Variants in LRIG1 observed in about 807,000 individuals in gnomAD.
LRIG1 encodes leucine rich repeats and immunoglobulin like domains 1.
Under a neutral mutation model 99.2 loss-of-function variants are expected in LRIG1, and 48 were observed. That is an observed-to-expected ratio of 0.48 (90% CI 0.38 to 0.62). LRIG1 has a LOEUF of 0.62. Among genes scored for constraint, LRIG1 ranks in the 20% least tolerant of loss-of-function variants. LRIG1 has a pLI of 0.00. For synonymous variants in LRIG1, 772 were observed against 596.1 expected (o/e 1.29, Z -4.30); for missense variants, 1,646 against 1,434.4 (o/e 1.15, Z -2.38).
At chr3:66,472,616 G>C (rs1023250990) in intron 1 of LRIG1, among the ~76,000 whole-genome samples, 1 of 152,166 alleles carries the variant, frequency 6.6e-6, no homozygotes, top group Non-Finnish European at 1.5e-5. Flanking sequence ...CTGGTCATGA[G>C]AGCAGGGTGG....
At chr3:66,431,915 AC>A (rs1308566624) in intron 3 of LRIG1, among the ~76,000 whole-genome samples, 9 of 152,148 alleles carry the variant, frequency 5.9e-5, no homozygotes, top group African/African-American at 2.2e-4. Context: ...TAGAAGATAC[AC>A]GTAGAAAAAA....
At chr3:66,400,511 C>T (rs965163663) in intron 9 of LRIG1, among the ~76,000 whole-genome samples, 1 of 152,176 alleles carries the variant, frequency 6.6e-6, no homozygotes. Context: ...TTCTCAGCGT[C>T]AACAGGTCTG....
intron 3 of LRIG1, among the ~76,000 whole-genome samples, chr3:66,433,942 A>C (rs1399009368): frequency 2.0e-5 from 3 of 152,230 alleles, no homozygotes; most frequent in Admixed American, 2.0e-4. Context: ...GGCTTTTAAA[A>C]ACATGTCATC....
At chr3:66,463,061 C>T (rs569628238) in intron 1 of LRIG1, among the ~76,000 whole-genome samples, 1 of 152,220 alleles carries the variant, frequency 6.6e-6, no homozygotes, top group East Asian at 1.9e-4. Context: ...TTACTGGCAT[C>T]TGGTGGATAC....
chr3:66,494,336 C>A (rs757899354), intron 1 of LRIG1, among the ~76,000 whole-genome samples: 1 of 152,156 alleles, frequency 6.6e-6, no homozygotes, highest in Non-Finnish European at 1.5e-5. Context: ...TCCTTAATGA[C>A]GAGTGTGAGT....
intron 16 of LRIG1, 130 bp from the exon 17 acceptor site, chr3:66,381,761 T>C: frequency 2.0e-6 from 2 of 1,008,776 alleles, no homozygotes; most frequent in South Asian, 3.2e-5. Flanking sequence ...GTGGGGCTGC[T>C]GGTCTGGCAA....
chr3:66,465,406 C>T (rs1261915377), intron 1 of LRIG1, among the ~76,000 whole-genome samples: 1 of 141,254 alleles, frequency 7.1e-6, no homozygotes. Context: ...CTCTGTCGCC[C>T]AGGCTGGAGT....
chr3:66,405,299 A>C (rs1402718569), intron 8 of LRIG1, 21 bp from the exon 9 acceptor site: 1 of 1,593,670 alleles, frequency 6.3e-7, no homozygotes, highest in Non-Finnish European at 8.6e-7. Context: ...GACAGAAAGC[A>C]GCTCACCGAG....
At chr3:66,382,514 CAG>C (rs1575642104) in intron 15 of LRIG1, 116 bp from the exon 16 acceptor site, 6 of 1,194,486 alleles carry the variant, frequency 5.0e-6, no homozygotes, top group East Asian at 4.7e-5. Context: ...CAGCGCTGTG[CAG>C]AGAGATGACA....
At chr3:66,380,536 G>A (rs758076564) in intron 18 of LRIG1, 41 bp downstream of exon 18, 2 of 1,613,694 alleles carry the variant, frequency 1.2e-6, no homozygotes, top group East Asian at 2.2e-5. Flanking sequence ...GACCGTTTAA[G>A]CAGCTCCCAA....
At chr3:66,388,101 T>C (rs1429338661) in intron 12 of LRIG1, 3 of 76,822 alleles carry the variant, frequency 3.9e-5, no homozygotes, top group South Asian at 5.8e-4. Flanking sequence ...AGCAAGACTC[T>C]GTCTCAAAAA....
rs2107918429 is a variant in LRIG1, at chr3:66,381,590, T to A, written c.2659A>T (p.Thr887Ser). 1 of 1,613,996 alleles carries A rather than the reference T, an allele frequency of 6.2e-7. No homozygotes were observed. Among genetic ancestry groups the A allele is most frequent in the East Asian group, 2.2e-5 (1 of 44,876 alleles). The part of the protein sequence containing the change: ...RDASHFPEPD[T>S]HSVACRQPKL... Reference sequence around the variant, plus strand: ...GGCTGCCTGCAGGCAACGCTGTGAGTGTCGGGCTCTGGAAAGTGGCTTGCA... The same window carrying A: ...GGCTGCCTGCAGGCAACGCTGTGAGAGTCGGGCTCTGGAAAGTGGCTTGCA... The change falls in exon 17 of 19, where the codon ACT becomes TCT. Residue 887 changes from threonine to serine, a missense_variant. Coordinates refer to ENST00000273261, the MANE Select transcript of LRIG1 (RefSeq NM_015541.3).
intron 1 of LRIG1, among the ~76,000 whole-genome samples, chr3:66,470,682 C>T (rs1700576281): frequency 6.6e-6 from 1 of 152,140 alleles, no homozygotes; most frequent in East Asian, 1.9e-4. Flanking sequence ...TCCATAAGAA[C>T]AGAGTATCGC....
Position 66,398,139 on chromosome 3 carries a change from A to G in LRIG1, c.1277T>C (p.Phe426Ser). Residue 426 changes from phenylalanine to serine, a missense_variant, in exon 11 of 19, where the codon TTT (phenylalanine) becomes TCT (serine). Coordinates refer to ENST00000273261, the MANE Select transcript of LRIG1 (RefSeq NM_015541.3). Reference sequence around the variant, plus strand: ...CTCTTTAAGATTCTTCATCTTCACAAAGGCATCAAACTGGACAGATCTGAT... The same window carrying G: ...CTCTTTAAGATTCTTCATCTTCACAGAGGCATCAAACTGGACAGATCTGAT... ...NAIRSVQFDA[F>S]VKMKNLKELH... 1 of 1,614,062 alleles carries G rather than the reference A, an allele frequency of 6.2e-7. No homozygotes were observed. The highest frequency in any genetic ancestry group is 8.5e-7 in the Non-Finnish European group (1 of 1,179,890).
At position 66,451,540 on chromosome 3, in the gene LRIG1, C is replaced by T. The variant is rs1204239293; in HGVS notation, c.365+19G>A. ...GGCCCCACCACACAGCCCAGAGTCC[C>T]CCAAACGGCACCACTTACAGAAAGA... On this transcript the variant is annotated intron_variant, in intron 3 of 18. Coordinates refer to ENST00000273261, the MANE Select transcript of LRIG1 (RefSeq NM_015541.3). The T allele has an allele frequency of 6.2e-7, 1 of 1,613,420 alleles. No individual in the cohort carries two copies. Among genetic ancestry groups the T allele is most frequent in the Non-Finnish European group, 8.5e-7 (1 of 1,179,554 alleles).
intron 2 of LRIG1, among the ~76,000 whole-genome samples, chr3:66,453,849 G>A (rs1703985909): frequency 6.6e-6 from 1 of 152,222 alleles, no homozygotes; most frequent in Non-Finnish European, 1.5e-5. Context: ...CTTCTCTGCA[G>A]GGGGCTACGC....
chr3:66,493,033 GA>G (rs139524383), intron 1 of LRIG1, among the ~76,000 whole-genome samples: 223 of 152,232 alleles, frequency 1.5e-3, no homozygotes, highest in Non-Finnish European at 2.8e-3. Context: ...CAAAACAAAT[GA>G]AAAATGTTCT....
In LRIG1 at chr3:66,381,502, CCTTCAGCTTTCTCCAT is replaced by C; in HGVS notation, c.2731_2746del (p.Met911GlyfsTer89). The C allele has an allele frequency of 6.2e-7, 1 of 1,613,810 alleles. No individual in the cohort carries two copies. The highest frequency in any genetic ancestry group is 1.3e-5 in the African/African-American group (1 of 75,034). On this transcript the variant is annotated frameshift_variant, in exon 17 of 19. Transcript: ENST00000273261. LOFTEE classifies it high-confidence loss of function. The stretch of plus-strand genomic sequence containing the variant: ...ACCCATCTTATGTGGCCCAGGTGTC[CCTTCAGCTTTCTCCAT>C]CGCTTTCCACGGCTCTTTGTGATAC...
intron 1 of LRIG1, among the ~76,000 whole-genome samples, chr3:66,498,816 C>A (rs1701285918): frequency 6.6e-6 from 1 of 152,160 alleles, no homozygotes; most frequent in Admixed American, 6.5e-5. Flanking sequence ...GGAGCAGTGT[C>A]TCGGGCCAAG....
Sources: allele counts gnomAD v4.1 joint callset (sites outside exome capture counted in the v4.1 genomes callset), GRCh38; gene constraint gnomAD v4.1.1; transcripts MANE v1.5; gene names NCBI Gene and HGNC (gene_info 2026-07-23, HGNC 2026-07-21).